Variants in TXNDC15 observed in about 807,000 individuals in gnomAD.
TXNDC15 encodes the protein thioredoxin domain-containing protein 15.
A neutral mutation model predicts 35.0 loss-of-function variants in TXNDC15; 24 were observed. The ratio of observed to expected loss-of-function variants is 0.68; its 90% CI spans 0.50 to 0.96. TXNDC15 has a LOEUF of 0.96. TXNDC15 is among the 40% of genes least tolerant of loss of function. TXNDC15 has a pLI of 0.00. For synonymous variants in TXNDC15, 169 were observed against 174.0 expected, an observed-to-expected ratio of 0.97 and a Z score of 0.23; for missense variants, 385 against 453.3, an observed-to-expected ratio of 0.85 and a Z score of 1.37.
At chr5:134,882,133 G>A (rs1750163544) in intron 1 of TXNDC15, among the ~76,000 whole-genome samples, 1 of 151,476 alleles carries the variant, frequency 6.6e-6, no homozygotes, top group Non-Finnish European at 1.5e-5. Context: ...CTCAGACGGG[G>A]TGGCCGGGCA....
rs779743493 is a variant in TXNDC15 at position 134,888,133 on chromosome 5, A to G, written c.542A>G (p.Asn181Ser). 1.3e-5 allele frequency: 21 copies of G among 1,610,954 alleles called. No homozygotes were observed. In the African/African-American group the frequency reaches 2.7e-4, roughly 20 times the overall value. Residue 181 changes from asparagine (N) to serine (S), a missense_variant, in exon 2 of 5, where the codon AAC becomes AGC. Coordinates refer to ENST00000358387, the MANE Select transcript of TXNDC15 (RefSeq NM_024715.4). ...CCAAAGGTGAACTGTGAGGAGAGAA[A>G]CATTACAGGATTAGAAAATTTCACT... ...KSPKVNCEER[N>S]ITGLENFTLK...
chr5:134,877,875 C>T (rs1469364325), intron 1 of TXNDC15, among the ~76,000 whole-genome samples: 1 of 151,316 alleles, frequency 6.6e-6, no homozygotes, highest in Non-Finnish European at 1.5e-5. Context: ...CGGGTTCAAG[C>T]GATTCTCTTG....
At chr5:134,883,550 T>C (rs1027955790) in intron 1 of TXNDC15, among the ~76,000 whole-genome samples, 1 of 133,254 alleles carries the variant, frequency 7.5e-6, no homozygotes, top group Non-Finnish European at 1.5e-5. Flanking sequence ...GTTGTGCCAC[T>C]GTACTCCAGC....
intron 1 of TXNDC15, among the ~76,000 whole-genome samples, chr5:134,884,543 C>T (rs980207632): frequency 3.3e-5 from 5 of 150,490 alleles, no homozygotes; most frequent in South Asian, 2.1e-4. Flanking sequence ...CCACCGAGCC[C>T]GGCCAATTTG....
chr5:134,877,025 A>C (rs1479546724), intron 1 of TXNDC15, among the ~76,000 whole-genome samples: 2 of 152,164 alleles, frequency 1.3e-5, no homozygotes, highest in African/African-American at 4.8e-5. Flanking sequence ...ACTACAAATT[A>C]CTAAGAAAAT....
intron 2 of TXNDC15, among the ~76,000 whole-genome samples, chr5:134,890,835 GC>G (rs1289696361): frequency 6.6e-6 from 1 of 152,228 alleles, no homozygotes; most frequent in Non-Finnish European, 1.5e-5. Context: ...AAACCCTGCT[GC>G]TGCATTATCA....
At chr5:134,890,555 C>T (rs79075043) in intron 2 of TXNDC15, among the ~76,000 whole-genome samples, 1,568 of 152,084 alleles carry the variant, frequency 0.01, 23 homozygotes, top group African/African-American at 0.036. Flanking sequence ...GGATTACAGG[C>T]GTGCTTCACA....
intron 2 of TXNDC15, among the ~76,000 whole-genome samples, chr5:134,888,909 A>AG (rs969589396): frequency 6.6e-6 from 1 of 150,880 alleles, no homozygotes; most frequent in African/African-American, 2.4e-5. Flanking sequence ...ATATTGATGA[A>AG]ATTTTCTCTT....
rs1204797232 is a variant in TXNDC15, at chr5:134,900,150, G to T, written c.*465G>T. The T allele has an allele frequency of 1.3e-5, 2 of 152,490 alleles. No individual in the cohort carries two copies. Among genetic ancestry groups the T allele is most frequent in the Non-Finnish European group, 2.9e-5 (2 of 68,346 alleles). 9.4% of individuals were successfully genotyped at this position (152,490 alleles called of 1,614,324 possible). A position where few individuals can be genotyped will look rare whatever the true frequency, so the allele number is the denominator to read the frequency against. ...AGCAGGAAAGTATGTAACCAGAATT[G>T]GTTAGTGTGACCCCCTCAAGTAGCA... On this transcript the variant is annotated 3_prime_UTR_variant, in exon 5 of 5. Coordinates refer to ENST00000358387, the MANE Select transcript of TXNDC15 (RefSeq NM_024715.4).
At chr5:134,892,903 G>A (rs1750416045) in intron 2 of TXNDC15, 1 of 152,954 alleles carries the variant, frequency 6.5e-6, no homozygotes, top group South Asian at 2.1e-4. Context: ...TCTTCTATGG[G>A]TACAGTTGGT....
intron 1 of TXNDC15, among the ~76,000 whole-genome samples, chr5:134,882,426 C>T (rs1750171835): frequency 6.6e-6 from 1 of 152,238 alleles, no homozygotes; most frequent in African/African-American, 2.4e-5. Context: ...ACGCTCCTCA[C>T]TTCCCAGACA....
upstream of TXNDC15, chr5:134,874,274 C>G (rs1177346017): frequency 1.7e-6 from 1 of 605,402 alleles, no homozygotes; most frequent in African/African-American, 2.0e-5. Context: ...AGAGGCCGTC[C>G]GCCCGACTCC....
At chr5:134,884,122 A>G (rs1750224325) in intron 1 of TXNDC15, among the ~76,000 whole-genome samples, 1 of 145,000 alleles carries the variant, frequency 6.9e-6, no homozygotes, top group South Asian at 2.4e-4. Context: ...TGGGAGGCTG[A>G]GGCAGGAGAA....
At position 134,891,074 on chromosome 5, in the gene TXNDC15, A is replaced by G. The variant is rs116782983; in HGVS notation, c.592-2418A>G. Among the ~76,000 whole-genome samples, 756 of 152,282 alleles carry G rather than the reference A, an allele frequency of 5.0e-3. 6 individuals carry two copies. The highest frequency in any genetic ancestry group is 0.017 in the African/African-American group (706 of 41,548). ...CTATTTCTACCACATCCGCAGTTCCATTCTCCATTGAGGTCTTGAATTCCT... is the reference window on the plus strand; with the variant it reads ...CTATTTCTACCACATCCGCAGTTCCGTTCTCCATTGAGGTCTTGAATTCCT... On this transcript the variant is annotated intron_variant, in intron 2 of 4. Coordinates refer to ENST00000358387, the MANE Select transcript of TXNDC15 (RefSeq NM_024715.4).
At chr5:134,875,513 T>C in intron 1 of TXNDC15, 1 of 417,824 alleles carries the variant, frequency 2.4e-6, no homozygotes, top group South Asian at 1.7e-5. Flanking sequence ...TTTGTTTTTT[T>C]AAGGGATGAG....
chr5:134,874,169 C>T (rs1749973805), upstream of TXNDC15: 1 of 446,814 alleles, frequency 2.2e-6, no homozygotes, highest in Non-Finnish European at 4.0e-6. Flanking sequence ...GAGCCATGCT[C>T]TGCACTCTGG....
At chr5:134,888,895 T>C (rs763547219) in intron 2 of TXNDC15, among the ~76,000 whole-genome samples, 2 of 47,616 alleles carry the variant, frequency 4.2e-5, no homozygotes, top group Non-Finnish European at 7.7e-5. Flanking sequence ...CTGGAAAATA[T>C]GTTATATTGA....
intron 1 of TXNDC15, among the ~76,000 whole-genome samples, chr5:134,881,394 C>G (rs1376165314): frequency 2.1e-5 from 2 of 97,416 alleles, no homozygotes; most frequent in East Asian, 2.5e-4. Context: ...TGACTCTTAA[C>G]GAGCATGCTG....
intron 2 of TXNDC15, among the ~76,000 whole-genome samples, chr5:134,891,331 C>T (rs1750384247): frequency 6.6e-6 from 1 of 152,160 alleles, no homozygotes; most frequent in African/African-American, 2.4e-5. Flanking sequence ...GTTGAAATCC[C>T]TCCTTGATTC....
Sources: gnomAD v4.1 joint callset for allele counts (sites outside exome capture counted in the v4.1 genomes callset) on GRCh38, gnomAD v4.1.1 for gene constraint, MANE v1.5 for transcripts, NCBI Gene and HGNC (gene_info 2026-07-23, HGNC 2026-07-21) for gene names.